The following KHDRBS2 variants were observed in gnomAD, a reference collection of about 807,000 sequenced individuals.
The protein encoded by KHDRBS2 is KH RNA binding domain containing, signal transduction associated 2.
Under a neutral mutation model 44.3 loss-of-function variants are expected in KHDRBS2, and 26 were observed. The observed-to-expected ratio is 0.59, with a 90% CI of 0.43 to 0.81. The LOEUF (loss-of-function observed/expected upper bound fraction) is 0.81, where lower values mean the gene tolerates loss of function less well. Among genes scored for constraint, KHDRBS2 ranks in the 40% least tolerant of loss-of-function variants. The pLI is 0.00. For missense variants in KHDRBS2, 476 were observed against 433.1 expected (o/e 1.10, Z -0.88); for synonymous variants, 194 against 151.1 (o/e 1.28, Z -2.08).
intron 3 of KHDRBS2, among the ~76,000 whole-genome samples, chr6:62,015,030 G>A (rs531773345): frequency 6.6e-6 from 1 of 152,174 alleles, no homozygotes; most frequent in South Asian, 2.1e-4. Context: ...ACATTTATGA[G>A]GACAAATCAT....
At chr6:61,546,461 T>C in the KHDRBS2 span, among the ~76,000 whole-genome samples, 2 of 152,070 alleles carry the variant, frequency 1.3e-5, no homozygotes, top group Non-Finnish European at 2.9e-5. Context: ...CAAAATAACA[T>C]AATGAAACCA....
intron 4 of KHDRBS2, among the ~76,000 whole-genome samples, chr6:61,911,362 A>G (rs1469222583): frequency 6.6e-6 from 1 of 152,160 alleles, no homozygotes; most frequent in Non-Finnish European, 1.5e-5. Flanking sequence ...ACAGTGGAGG[A>G]AAGTTCTGAT....
At chr6:62,185,910 A>G (rs1399604138) in intron 1 of KHDRBS2, among the ~76,000 whole-genome samples, 3 of 152,004 alleles carry the variant, frequency 2.0e-5, no homozygotes, top group Non-Finnish European at 4.4e-5. Context: ...TTCAGGTTGT[A>G]CTATTTTGCG....
At chr6:62,113,852 C>A (rs1359857077) in intron 2 of KHDRBS2, among the ~76,000 whole-genome samples, 2 of 152,046 alleles carry the variant, frequency 1.3e-5, no homozygotes, top group African/African-American at 2.4e-5. Context: ...AAGATGGCAA[C>A]ATTACTGTAT....
intron 6 of KHDRBS2, among the ~76,000 whole-genome samples, chr6:61,805,455 C>G (rs1253320254): frequency 2.6e-5 from 4 of 152,180 alleles, no homozygotes; most frequent in Non-Finnish European, 5.9e-5. Flanking sequence ...CTGCCTGTTA[C>G]TCAGCTCCAA....
intron 1 of KHDRBS2, among the ~76,000 whole-genome samples, chr6:62,251,941 A>G (rs1836610686): frequency 6.6e-6 from 1 of 151,944 alleles, no homozygotes; most frequent in African/African-American, 2.4e-5. Flanking sequence ...TAAAATATTT[A>G]AAAATACAAT....
the KHDRBS2 span, among the ~76,000 whole-genome samples, chr6:61,575,919 T>C: frequency 6.6e-6 from 1 of 151,978 alleles, no homozygotes; most frequent in Non-Finnish European, 1.5e-5. Context: ...CACAAAGGCA[T>C]AAGAATGATA....
At chr6:61,729,655 T>C (rs1445950577) in intron 7 of KHDRBS2, among the ~76,000 whole-genome samples, 82 of 152,270 alleles carry the variant, frequency 5.4e-4, no homozygotes, top group African/African-American at 1.9e-3. Context: ...TGTACTAGTA[T>C]CTAATTGTGG....
At chr6:61,815,277 A>G (rs554594815) in intron 6 of KHDRBS2, among the ~76,000 whole-genome samples, 3 of 152,262 alleles carry the variant, frequency 2.0e-5, no homozygotes, top group East Asian at 3.9e-4. Flanking sequence ...GTGGGAAGGA[A>G]TCACACTACT....
chr6:61,916,952 A>T (rs1481293960), intron 4 of KHDRBS2, among the ~76,000 whole-genome samples: 1 of 149,318 alleles, frequency 6.7e-6, no homozygotes, highest in African/African-American at 2.5e-5. Context: ...ATGTGGAGAA[A>T]CAGGAACTCT....
At chr6:61,607,369 AT>A in the KHDRBS2 span, among the ~76,000 whole-genome samples, 1 of 151,406 alleles carries the variant, frequency 6.6e-6, no homozygotes, top group Admixed American at 6.6e-5. Context: ...TAGTTCAGAT[AT>A]AAAATAATTA....
At chr6:61,695,996 G>A (rs143656135) in intron 8 of KHDRBS2, among the ~76,000 whole-genome samples, 2 of 151,994 alleles carry the variant, frequency 1.3e-5, no homozygotes, top group Non-Finnish European at 2.9e-5. Context: ...TAGAGACCGG[G>A]TCTCACTATG....
chr6:62,285,818 C>A (rs1452862265), intron 1 of KHDRBS2, 40 bp downstream of exon 1: 1 of 1,451,776 alleles, frequency 6.9e-7, no homozygotes, highest in South Asian at 1.2e-5. Flanking sequence ...GTGAGATAGG[C>A]AGCCGGCGGT....
chr6:62,176,841 C>A (rs531063163), intron 2 of KHDRBS2, among the ~76,000 whole-genome samples: 3 of 151,096 alleles, frequency 2.0e-5, no homozygotes, highest in Non-Finnish European at 3.0e-5. Flanking sequence ...AACTCTACTC[C>A]GTTTTATAGT....
rs1180750340 is a variant in KHDRBS2 at position 61,848,491 on chromosome 6, GTATA to G, written c.810+46140_810+46143del. Among the ~76,000 whole-genome samples, 184 of 30,464 alleles carry G rather than the reference GTATA, an allele frequency of 6.0e-3. 16 individuals are homozygous for G. Among genetic ancestry groups the G allele is most frequent in the African/African-American group, 0.026 (168 of 6,408 alleles). The allele number at this position is 30,464 out of a possible 152,430, so 20.0% of individuals were successfully genotyped here. ...GTTTTATATATATATATATATATAT[GTATA>G]TATATATATATATATGTATATATGT... On this transcript the variant is annotated intron_variant, in intron 6 of 8. Transcript: ENST00000281156.
chr6:62,159,463 T>G (rs749140776), intron 2 of KHDRBS2, among the ~76,000 whole-genome samples: 6 of 152,136 alleles, frequency 3.9e-5, no homozygotes, highest in Non-Finnish European at 7.4e-5. Context: ...TTCTGTAAGA[T>G]GACAAAAAGG....
At chr6:61,831,646 GTGCACATAAAA>G (rs1791835588) in intron 6 of KHDRBS2, among the ~76,000 whole-genome samples, 1 of 152,018 alleles carries the variant, frequency 6.6e-6, no homozygotes, top group African/African-American at 2.4e-5. Flanking sequence ...AATATGCTCA[GTGCACATAAAA>G]TGTACATAAT....
chr6:61,866,274 C>A (rs757257783), intron 6 of KHDRBS2, among the ~76,000 whole-genome samples: 1 of 152,206 alleles, frequency 6.6e-6, no homozygotes, highest in Non-Finnish European at 1.5e-5. Context: ...TAGGTGGAGG[C>A]TCCCAAGCCC....
intron 6 of KHDRBS2, among the ~76,000 whole-genome samples, chr6:61,879,937 T>A (rs1799972803): frequency 6.6e-6 from 1 of 151,908 alleles, no homozygotes. Flanking sequence ...AAGAGATTGA[T>A]GTTTTTAAAC....
Sources: allele counts gnomAD v4.1 joint callset (sites outside exome capture counted in the v4.1 genomes callset), GRCh38; gene constraint gnomAD v4.1.1; transcripts MANE v1.5; gene names NCBI Gene and HGNC (gene_info 2026-07-23, HGNC 2026-07-21).